Variants in TRPC4 observed in about 807,000 individuals in gnomAD.
The protein encoded by TRPC4 is transient receptor potential cation channel subfamily C member 4, also known as short transient receptor potential channel 4.
In TRPC4, 49 loss-of-function variants were observed where a neutral mutation model predicts 99.4. The observed-to-expected ratio is 0.49, with a 90% confidence interval of 0.39 to 0.63. The LOEUF is 0.63. TRPC4 is among the 20% of genes least tolerant of loss of function. TRPC4 has a pLI of 0.00. For missense variants in TRPC4, 898 were observed against 1,152.9 expected, an observed-to-expected ratio of 0.78 and a Z score of 3.20; for synonymous variants, 454 against 425.9, an observed-to-expected ratio of 1.07 and a Z score of -0.81.
chr13:37,727,025 A>G (rs1955088822), intron 3 of TRPC4, among the ~76,000 whole-genome samples: 1 of 152,100 alleles, frequency 6.6e-6, no homozygotes, highest in Admixed American at 6.6e-5. Context: ...GAGCAGACAG[A>G]ATAATCTTCC....
intron 1 of TRPC4, among the ~76,000 whole-genome samples, chr13:37,797,052 C>T (rs1351650269): frequency 4.8e-5 from 7 of 146,766 alleles, no homozygotes; most frequent in African/African-American, 7.8e-5. Context: ...TGGTGGCTCA[C>T]GCTTGTAATC....
intron 3 of TRPC4, among the ~76,000 whole-genome samples, chr13:37,706,638 C>A (rs1198903961): frequency 2.6e-5 from 4 of 151,340 alleles, no homozygotes; most frequent in Non-Finnish European, 5.9e-5. Context: ...CTACCCCCAC[C>A]CCACAACAGG....
intron 3 of TRPC4, among the ~76,000 whole-genome samples, chr13:37,704,647 A>AAATG (rs1954208699): frequency 6.6e-6 from 1 of 152,076 alleles, no homozygotes; most frequent in Non-Finnish European, 1.5e-5. Context: ...AAGTAAAAAT[A>AAATG]AATAAATAAA....
intron 2 of TRPC4, among the ~76,000 whole-genome samples, chr13:37,765,918 G>A (rs1396565310): frequency 6.6e-6 from 1 of 150,916 alleles, no homozygotes; most frequent in African/African-American, 2.4e-5. Context: ...TAATTCCATA[G>A]TTTACTTTGA....
intron 2 of TRPC4, among the ~76,000 whole-genome samples, chr13:37,777,623 G>A (rs1956743252): frequency 6.6e-6 from 1 of 151,924 alleles, no homozygotes; most frequent in Admixed American, 6.6e-5. Flanking sequence ...ACTCTAGAGG[G>A]TAAATTGCTG....
intron 7 of TRPC4, among the ~76,000 whole-genome samples, chr13:37,652,830 T>C (rs187206908): frequency 6.6e-6 from 1 of 152,290 alleles, no homozygotes; most frequent in East Asian, 1.9e-4. Context: ...GAAATTATGT[T>C]ATCTTATTGC....
intron 2 of TRPC4, among the ~76,000 whole-genome samples, chr13:37,760,587 A>C (rs1384361964): frequency 6.6e-6 from 1 of 151,944 alleles, no homozygotes; most frequent in African/African-American, 2.4e-5. Flanking sequence ...TTATTACAAG[A>C]TACATCTAAC....
At chr13:37,654,696 T>G (rs1011735617) in intron 7 of TRPC4, among the ~76,000 whole-genome samples, 5 of 152,122 alleles carry the variant, frequency 3.3e-5, no homozygotes, top group Non-Finnish European at 7.4e-5. Context: ...TGGGTTATCT[T>G]TTGTATCTTC....
intron 3 of TRPC4, among the ~76,000 whole-genome samples, chr13:37,722,263 T>A (rs1283149341): frequency 1.3e-5 from 2 of 152,186 alleles, no homozygotes; most frequent in Non-Finnish European, 2.9e-5. Flanking sequence ...ATCAGCCCAA[T>A]CAGCCTGGGT....
chr13:37,742,080 C>G (rs915183339), intron 3 of TRPC4, among the ~76,000 whole-genome samples: 1 of 152,076 alleles, frequency 6.6e-6, no homozygotes, highest in Admixed American at 6.6e-5. Context: ...AATATATGAT[C>G]AGTACAATTG....
At chr13:37,832,160 A>G (rs12862659) in intron 1 of TRPC4, among the ~76,000 whole-genome samples, 43,636 of 152,148 alleles carry the variant, frequency 0.29, 6,455 homozygotes, top group East Asian at 0.43. Flanking sequence ...AATATATGCA[A>G]TCATTATTTG....
rs138737248 is a variant in TRPC4, at chr13:37,710,133, A to G, written c.898-17798T>C. ...AATATTATTTTCTCAGCAAATAAAC[A>G]TGATCATGAAATATAGAAAAAGAAC... On this transcript the variant is annotated intron_variant, in intron 3 of 10. Coordinates refer to ENST00000379705, the MANE Select transcript of TRPC4 (RefSeq NM_016179.4). 1.4e-4 allele frequency among the ~76,000 whole-genome samples: 21 copies of G among 152,124 alleles called. No homozygotes were observed. In the East Asian group the frequency reaches 3.9e-3, roughly 28 times the overall value.
At chr13:37,741,464 T>G (rs1007390776) in intron 3 of TRPC4, among the ~76,000 whole-genome samples, 3 of 152,198 alleles carry the variant, frequency 2.0e-5, no homozygotes, top group African/African-American at 7.2e-5. Context: ...TTTCCTTTGT[T>G]ATTATTCATT....
chr13:37,651,380 G>A lies in TRPC4; in HGVS notation c.1964C>T (p.Thr655Ile). 1 of 1,614,124 alleles carries A rather than the reference G, an allele frequency of 6.2e-7. No individual in the cohort carries two copies. The highest frequency in any genetic ancestry group is 8.5e-7 in the Non-Finnish European group (1 of 1,179,972). The change falls in exon 8 of 11, where the codon ACT becomes ATT. Residue 655 changes from threonine (T) to isoleucine (I), a missense_variant. This residue lies in a region of TRPC4 where 274 missense variants were observed against 454.9 expected (regional missense o/e 0.60). Coordinates refer to ENST00000379705, the MANE Select transcript of TRPC4 (RefSeq NM_016179.4). ...SYFEEGGTLP[T>I]PFNVIPSPKS... Reference sequence around the variant, plus strand: ...GGGGCTCGGGATGACATTGAAGGGAGTAGGCAGAGTACCTCCTTCTTCAAA... The same window carrying A: ...GGGGCTCGGGATGACATTGAAGGGAATAGGCAGAGTACCTCCTTCTTCAAA...
intron 1 of TRPC4, among the ~76,000 whole-genome samples, chr13:37,865,317 T>C (rs1264667462): frequency 6.6e-6 from 1 of 151,724 alleles, no homozygotes; most frequent in Non-Finnish European, 1.5e-5. Flanking sequence ...GACCTTTTTT[T>C]TAATAAAGAC....
At chr13:37,765,932 A>G (rs1218166420) in intron 2 of TRPC4, among the ~76,000 whole-genome samples, 3 of 151,310 alleles carry the variant, frequency 2.0e-5, no homozygotes, top group African/African-American at 7.3e-5. Flanking sequence ...ACTTTGAAAT[A>G]AAAACAAGTC....
intron 1 of TRPC4, among the ~76,000 whole-genome samples, chr13:37,786,459 C>T (rs1233352035): frequency 6.6e-6 from 1 of 151,892 alleles, no homozygotes; most frequent in Admixed American, 6.6e-5. Flanking sequence ...TGCGGGGATA[C>T]TAACTGGAGG....
Position 37,663,717 on chromosome 13 carries a change from T to A in TRPC4, c.1387A>T (p.Asn463Tyr). Residue 463 changes from asparagine (N) to tyrosine (Y), a missense_variant, in exon 6 of 11, where the codon AAT (asparagine) becomes TAT (tyrosine). By Grantham distance (143) the Asn-to-Tyr change is moderately radical. Around this residue, in one of 3 missense-constraint regions of TRPC4, gnomAD observed 274 missense variants for 454.9 expected, o/e 0.60. Transcript: ENST00000379705. ...IVAFVKYSAL[N>Y]PRESWDMWHP... is the part of the protein sequence containing the mutation. ...CACATGTCCCATGATTCTCGTGGATTAAGGGCACTGTACTGGAAAAAACAG... is the reference window on the plus strand; with the variant it reads ...CACATGTCCCATGATTCTCGTGGATAAAGGGCACTGTACTGGAAAAAACAG... 1 of 1,613,582 alleles carries A rather than the reference T, an allele frequency of 6.2e-7. No homozygotes were observed. Among genetic ancestry groups the A allele is most frequent in the Non-Finnish European group, 8.5e-7 (1 of 1,179,776 alleles).
chr13:37,788,807 C>T (rs1208589910), intron 1 of TRPC4, among the ~76,000 whole-genome samples: 2 of 152,100 alleles, frequency 1.3e-5, no homozygotes, highest in East Asian at 1.9e-4. Context: ...CACACATCTC[C>T]CTTAAGATCT....
Sources: allele counts gnomAD v4.1 joint callset (sites outside exome capture counted in the v4.1 genomes callset), GRCh38; gene constraint gnomAD v4.1.1; regional missense constraint gnomAD v4.1.1; transcripts MANE v1.5; gene names NCBI Gene and HGNC (gene_info 2026-07-23, HGNC 2026-07-21).